The following GOT2 variants were observed in gnomAD, a reference collection of about 807,000 sequenced individuals.
The protein encoded by GOT2 is aspartate aminotransferase, mitochondrial.
A neutral mutation model predicts 50.0 loss-of-function variants in GOT2; 17 were observed. That is an observed-to-expected ratio of 0.34 (90% CI 0.23 to 0.51). The LOEUF is 0.51. Among genes scored for constraint, GOT2 ranks in the 20% least tolerant of loss-of-function variants. The probability of loss-of-function intolerance (pLI) is 0.97; values close to 1 mark genes in which losing one functional copy is unlikely to be tolerated. For synonymous variants in GOT2, 172 were observed against 204.9 expected (o/e 0.84, Z 1.37); for missense variants, 430 against 559.6 (o/e 0.77, Z 2.34).
chr16:58,720,567 A>C (rs1010929810), intron 3 of GOT2, among the ~76,000 whole-genome samples: 7 of 150,300 alleles, frequency 4.7e-5, no homozygotes, highest in Non-Finnish European at 1.0e-4. Context: ...ACGATTCACA[A>C]AGGCACAACA....
intron 9 of GOT2, 171 bp downstream of exon 9, chr16:58,709,246 G>A (rs1379680393): frequency 2.1e-5 from 13 of 619,350 alleles, no homozygotes; most frequent in Non-Finnish European, 3.5e-5. Flanking sequence ...CTGGGTTTCA[G>A]AGCGAGACTG....
intron 6 of GOT2, among the ~76,000 whole-genome samples, chr16:58,717,407 G>C (rs772595497): frequency 2.0e-5 from 3 of 152,032 alleles, no homozygotes; most frequent in Non-Finnish European, 4.4e-5. Context: ...AGAGAGAAAA[G>C]AAAGGGAAAT....
intron 5 of GOT2, 89 bp from the exon 6 acceptor site, chr16:58,718,389 G>T: frequency 7.5e-7 from 1 of 1,341,496 alleles, no homozygotes; most frequent in Non-Finnish European, 1.1e-6. Flanking sequence ...CATTTGATAA[G>T]TAACAAAGGT....
At chr16:58,718,117 T>G in intron 6 of GOT2, 79 bp downstream of exon 6, 1 of 984,610 alleles carries the variant, frequency 1.0e-6, no homozygotes, top group Non-Finnish European at 1.6e-6. Flanking sequence ...TAAGACTCTC[T>G]GTTGAGACAT....
rs991413679 is a variant in GOT2 at position 58,716,467 on chromosome 16, A to G, written c.853+196T>C. ...TCAGTTTCCTTTGCTGGAAAAACTT[A>G]AGGACACCGAAGAATATATGGCTAA... On this transcript the variant is annotated intron_variant, in intron 7 of 9. Transcript: ENST00000245206. 2.7e-5 allele frequency: 17 copies of G among 620,798 alleles called. No individual in the cohort carries two copies. In the Admixed American group the frequency reaches 4.0e-4, roughly 15 times the overall value. The allele number at this position is 620,798 out of a possible 1,614,324, so 38.5% of individuals were successfully genotyped here. A position where few individuals can be genotyped will look rare whatever the true frequency, so the allele number is the denominator to read the frequency against.
intron 1 of GOT2, among the ~76,000 whole-genome samples, chr16:58,731,597 T>C (rs1255014107): frequency 1.3e-5 from 2 of 152,258 alleles, no homozygotes; most frequent in East Asian, 3.8e-4. Flanking sequence ...TAGCATCTTT[T>C]TTTTTCTTCA....
intron 1 of GOT2, among the ~76,000 whole-genome samples, chr16:58,725,567 A>G (rs1672277889): frequency 6.6e-6 from 1 of 152,242 alleles, no homozygotes; most frequent in Admixed American, 6.5e-5. Context: ...TAAAATTTAT[A>G]TACCTTTGTT....
chr16:58,732,407 G>T (rs913530935), intron 1 of GOT2, among the ~76,000 whole-genome samples: 11 of 152,108 alleles, frequency 7.2e-5, no homozygotes, highest in African/African-American at 2.7e-4. Flanking sequence ...TCTGTAACTG[G>T]TTATGATCAA....
At chr16:58,716,547 TG>T in intron 7 of GOT2, 115 bp downstream of exon 7, 1 of 797,704 alleles carries the variant, frequency 1.3e-6, no homozygotes, top group Non-Finnish European at 1.9e-6. Flanking sequence ...GGGAGGGACA[TG>T]GACATGGATG....
At chr16:58,717,090 C>A (rs557719840) in intron 6 of GOT2, among the ~76,000 whole-genome samples, 3 of 152,284 alleles carry the variant, frequency 2.0e-5, no homozygotes, top group African/African-American at 7.2e-5. Flanking sequence ...GAAAGGGAAA[C>A]TGGCCAGGCA....
rs2044826016 is a variant in GOT2 at position 58,730,471 on chromosome 16, A to C, written c.89+3669T>G. ...GTGACCACGGCTCACTGCAGCCTCT[A>C]CCTCCCGGGCTCAAGTGATCCTCCC... On this transcript the variant is annotated intron_variant, in intron 1 of 9. Transcript: ENST00000245206. Among the ~76,000 whole-genome samples the C allele has an allele frequency of 3.3e-5, 5 of 151,096 alleles. No homozygotes were observed. In the South Asian group the frequency reaches 1.0e-3, roughly 32 times the overall value.
intron 1 of GOT2, among the ~76,000 whole-genome samples, chr16:58,732,091 G>A (rs2044838879): frequency 6.6e-6 from 1 of 152,170 alleles, no homozygotes. Flanking sequence ...AGCGCTTTGC[G>A]GGGCTGATGT....
chr16:58,710,404 T>TA (rs2044637400), intron 8 of GOT2, among the ~76,000 whole-genome samples: 1 of 150,976 alleles, frequency 6.6e-6, no homozygotes, highest in African/African-American at 2.4e-5. Context: ...TTCTTTTTTT[T>TA]TTTTTTTTGT....
At chr16:58,717,479 G>A (rs988381057) in intron 6 of GOT2, among the ~76,000 whole-genome samples, 1 of 152,166 alleles carries the variant, frequency 6.6e-6, no homozygotes, top group African/African-American at 2.4e-5. Flanking sequence ...TTCCTCCCTA[G>A]GAATTTTGAC....
intron 1 of GOT2, among the ~76,000 whole-genome samples, chr16:58,731,750 T>C (rs1348658020): frequency 1.3e-5 from 2 of 152,230 alleles, no homozygotes; most frequent in Admixed American, 6.5e-5. Flanking sequence ...GTTCCAAGTA[T>C]GCCATTGGAT....
chr16:58,714,424 C>T (rs1347607335), intron 8 of GOT2, among the ~76,000 whole-genome samples: 6 of 151,362 alleles, frequency 4.0e-5, no homozygotes, highest in South Asian at 2.1e-4. Flanking sequence ...TAGTGGCGGG[C>T]GCCTGTAGTC....
rs116910248 is a variant in GOT2, at chr16:58,710,438, C to A, written c.1020-871G>T. Among the ~76,000 whole-genome samples, 659 of 147,818 alleles carry A rather than the reference C, an allele frequency of 4.5e-3. 16 individuals are homozygous for A. Among genetic ancestry groups the A allele is most frequent in the East Asian group, 0.029 (147 of 5,014 alleles). On this transcript the variant is annotated intron_variant, in intron 8 of 9. Transcript: ENST00000245206. ...GTAGAGACAGGGTCTCCCCATTTTG[C>A]CCAGGCTGGTCTGGAACTCCTGGGC... is the stretch of plus-strand genomic sequence containing the variant.
intron 3 of GOT2, among the ~76,000 whole-genome samples, chr16:58,721,074 G>A (rs747823307): frequency 2.0e-5 from 3 of 152,154 alleles, no homozygotes; most frequent in East Asian, 1.9e-4. Context: ...TCTATTTGAC[G>A]TAGGATAATT....
intron 1 of GOT2, among the ~76,000 whole-genome samples, chr16:58,727,385 A>G (rs1157271941): frequency 6.6e-6 from 1 of 152,044 alleles, no homozygotes; most frequent in African/African-American, 2.4e-5. Context: ...TTTTTTAAAA[A>G]AAGAAAAAAC....
Sources: gnomAD v4.1 joint callset for allele counts (sites outside exome capture counted in the v4.1 genomes callset) on GRCh38, gnomAD v4.1.1 for gene constraint, MANE v1.5 for transcripts, NCBI Gene and HGNC (gene_info 2026-07-23, HGNC 2026-07-21) for gene names.